The following VPS13B variants were observed in gnomAD, a reference collection of about 807,000 sequenced individuals.
The protein encoded by VPS13B is intermembrane lipid transfer protein VPS13B.
In VPS13B, 285 loss-of-function variants were observed where a neutral mutation model predicts 426.4. That is an observed-to-expected ratio of 0.67 (90% confidence interval 0.61 to 0.74). The LOEUF is 0.74. Among genes scored for constraint, VPS13B ranks in the 30% least tolerant of loss-of-function variants. The probability of loss-of-function intolerance (pLI) is 0.00; values close to 1 mark genes in which losing one functional copy is unlikely to be tolerated. For missense variants in VPS13B, 4,537 were observed against 4,782.6 expected (o/e 0.95, Z 1.51); for synonymous variants, 1,676 against 1,676.4 (o/e 1.00, Z 0.01).
chr8:99,053,714 T>C (rs1314934608), intron 3 of VPS13B, among the ~76,000 whole-genome samples: 1 of 151,338 alleles, frequency 6.6e-6, no homozygotes, highest in Non-Finnish European at 1.5e-5. Flanking sequence ...CTTTTTTTTT[T>C]GGTTTTGATA....
At chr8:99,204,007 A>G (rs1391577359) in intron 17 of VPS13B, among the ~76,000 whole-genome samples, 1 of 152,180 alleles carries the variant, frequency 6.6e-6, no homozygotes, top group Non-Finnish European at 1.5e-5. Flanking sequence ...GGCAAAAACT[A>G]CTTTAAATTT....
chr8:99,149,666 T>C (rs1469151594), intron 14 of VPS13B, among the ~76,000 whole-genome samples: 1 of 151,378 alleles, frequency 6.6e-6, no homozygotes, highest in African/African-American at 2.4e-5. Context: ...GTTCATATAA[T>C]GATCAGGGGT....
chr8:99,565,127 G>A (rs1484366231), intron 31 of VPS13B, among the ~76,000 whole-genome samples: 2 of 151,968 alleles, frequency 1.3e-5, no homozygotes, highest in Non-Finnish European at 2.9e-5. Flanking sequence ...AGTTAATATT[G>A]ATATAATTTT....
At chr8:99,274,972 C>G (rs1324359037) in intron 18 of VPS13B, 109 bp from the exon 19 acceptor site, 3 of 977,048 alleles carry the variant, frequency 3.1e-6, no homozygotes, top group African/African-American at 3.3e-5. Context: ...CTAATATTAT[C>G]AAATAAAGTT....
At chr8:99,812,940 G>T (rs1813799702) in intron 44 of VPS13B, among the ~76,000 whole-genome samples, 1 of 152,150 alleles carries the variant, frequency 6.6e-6, no homozygotes, top group Non-Finnish European at 1.5e-5. Flanking sequence ...GGAAGGAGGG[G>T]AATTAGTGTG....
intron 52 of VPS13B, among the ~76,000 whole-genome samples, chr8:99,834,247 A>G (rs151180052): frequency 7.2e-4 from 110 of 152,382 alleles, no homozygotes; most frequent in African/African-American, 2.6e-3. Flanking sequence ...TTTAGGCTTC[A>G]GAGTAATTTC....
At chr8:99,201,601 A>G (rs1204905555) in intron 17 of VPS13B, among the ~76,000 whole-genome samples, 1 of 152,148 alleles carries the variant, frequency 6.6e-6, no homozygotes, top group Admixed American at 6.5e-5. Flanking sequence ...ATATCTGTGG[A>G]TGTTGAATTA....
chr8:99,132,792 G>A (rs745415679), intron 8 of VPS13B, among the ~76,000 whole-genome samples: 2 of 152,170 alleles, frequency 1.3e-5, no homozygotes, highest in Non-Finnish European at 2.9e-5. Context: ...TTGTCAGTGA[G>A]CAGTAATATT....
chr8:99,614,469 G>A (rs899237464), intron 33 of VPS13B, among the ~76,000 whole-genome samples: 1 of 151,984 alleles, frequency 6.6e-6, no homozygotes, highest in Non-Finnish European at 1.5e-5. Context: ...GAGAGATGGG[G>A]TTTCTGCATG....
intron 23 of VPS13B, among the ~76,000 whole-genome samples, chr8:99,443,665 C>T (rs1257876813): frequency 6.6e-6 from 1 of 152,032 alleles, no homozygotes; most frequent in African/African-American, 2.4e-5. Flanking sequence ...GTTTTTATGG[C>T]TGAATAGTAT....
intron 19 of VPS13B, among the ~76,000 whole-genome samples, chr8:99,293,751 A>G (rs542318731): frequency 1.3e-5 from 2 of 152,332 alleles, no homozygotes; most frequent in South Asian, 4.1e-4. Flanking sequence ...ACACTTCTCA[A>G]AAGAAGACAT....
Position 99,506,515 on chromosome 8 carries a change from A to G in VPS13B, c.4158-622A>G, listed in dbSNP as rs544554552. On this transcript the variant is annotated intron_variant, in intron 27 of 61. Transcript: ENST00000357162. ...TATTAAAAACATACATTTCTTGTGT[A>G]TGTGGTATGCACCAAGTGCTATGCT... Among the ~76,000 whole-genome samples, 5 of 152,356 alleles carry G rather than the reference A, an allele frequency of 3.3e-5. No individual in the cohort carries two copies. In the South Asian group the frequency reaches 1.0e-3, roughly 32 times the overall value.
In VPS13B at chr8:99,212,663, CTCT is replaced by C. The variant is rs372721564; in HGVS notation, c.2515+19615_2515+19617del. ...TAAGCTGATCTAAGGTGGTCTTTTT[CTCT>C]TCTTCTTCCTTAGTGCTGCTCCTAC... On this transcript the variant is annotated intron_variant, in intron 17 of 61. Coordinates refer to ENST00000357162, the MANE Select transcript of VPS13B (RefSeq NM_152564.5). Among the ~76,000 whole-genome samples, 8 of 152,032 alleles carry C rather than the reference CTCT, an allele frequency of 5.3e-5. No homozygotes were observed. In the East Asian group the frequency reaches 1.5e-3, roughly 29 times the overall value.
At chr8:99,310,277 G>T (rs1462373726) in intron 19 of VPS13B, among the ~76,000 whole-genome samples, 1 of 152,198 alleles carries the variant, frequency 6.6e-6, no homozygotes. Flanking sequence ...CAAAGGGAAT[G>T]CTTCCAGTTT....
At chr8:99,338,913 A>G (rs921718436) in intron 19 of VPS13B, among the ~76,000 whole-genome samples, 4 of 152,168 alleles carry the variant, frequency 2.6e-5, no homozygotes, top group African/African-American at 7.2e-5. Context: ...ATTATGAGGT[A>G]TGTCAGACAT....
intron 16 of VPS13B, among the ~76,000 whole-genome samples, chr8:99,170,427 G>A (rs1812262228): frequency 6.6e-6 from 1 of 151,786 alleles, no homozygotes; most frequent in African/African-American, 2.4e-5. Flanking sequence ...AATACTACTT[G>A]AGATTATAAT....
intron 23 of VPS13B, among the ~76,000 whole-genome samples, chr8:99,456,795 A>G (rs1334909321): frequency 6.6e-6 from 1 of 152,162 alleles, no homozygotes; most frequent in East Asian, 1.9e-4. Flanking sequence ...ATATCAAGTT[A>G]ATGCTAGCCT....
chr8:99,612,609 G>C (rs940040049), intron 33 of VPS13B, among the ~76,000 whole-genome samples: 1 of 152,134 alleles, frequency 6.6e-6, no homozygotes, highest in South Asian at 2.1e-4. Flanking sequence ...TAAGAACTCA[G>C]CCTGCTACTG....
At chr8:99,758,913 T>G (rs891663721) in intron 39 of VPS13B, among the ~76,000 whole-genome samples, 2 of 152,178 alleles carry the variant, frequency 1.3e-5, no homozygotes, top group Non-Finnish European at 2.9e-5. Flanking sequence ...ATGTGGAGGC[T>G]CTCACGTTCT....
Sources: gnomAD v4.1 joint callset for allele counts (sites outside exome capture counted in the v4.1 genomes callset) on GRCh38, gnomAD v4.1.1 for gene constraint, MANE v1.5 for transcripts, NCBI Gene and HGNC (gene_info 2026-07-23, HGNC 2026-07-21) for gene names.